PDLIM3: variants seen among roughly 807,000 people sequenced by gnomAD.
PDLIM3 encodes PDZ and LIM domain protein 3.
In PDLIM3, 36 loss-of-function variants were observed where a neutral mutation model predicts 37.3. That is an observed-to-expected ratio of 0.97 (90% confidence interval 0.74 to 1.28). The LOEUF (loss-of-function observed/expected upper bound fraction) is 1.28. Ranked by LOEUF, PDLIM3 falls within the 50% of genes most tolerant of loss-of-function variation. PDLIM3 has a pLI of 0.00. For missense variants in PDLIM3, 454 were observed against 485.0 expected (o/e 0.94, Z 0.60); for synonymous variants, 174 against 182.4 (o/e 0.95, Z 0.37).
chr4:185,523,468 T>C, intron 2 of PDLIM3, 22 bp from the exon 3 acceptor site: 4 of 1,445,978 alleles, frequency 2.8e-6, no homozygotes, highest in Non-Finnish European at 3.9e-6. Flanking sequence ...ATAAAATTTG[T>C]AAACTTCAAA....
rs772601097 is a variant in PDLIM3 at position 185,508,563 on chromosome 4, CTG to C, written c.399-3_399-2del. 1 of 1,613,790 alleles carries C rather than the reference CTG, an allele frequency of 6.2e-7. No individual in the cohort carries two copies. The highest frequency in any genetic ancestry group is 1.7e-5 in the Admixed American group (1 of 60,010). On this transcript the variant is annotated splice_acceptor_variant and splice_polypyrimidine_tract_variant and intron_variant, in intron 4 of 7. Transcript: ENST00000284767. LOFTEE classifies it high-confidence loss of function. ...AATCCCGGAGGGAGTGCTGCATCCA[CTG>C]TGTTAATGGATACACGTTACACAGA...
chr4:185,532,547 G>A (rs566277589), intron 1 of PDLIM3, among the ~76,000 whole-genome samples: 2 of 152,320 alleles, frequency 1.3e-5, no homozygotes, highest in East Asian at 1.9e-4. Context: ...GCAAAGACAC[G>A]TCAGGGAAAT....
At chr4:185,519,242 CAG>C in intron 3 of PDLIM3, among the ~76,000 whole-genome samples, 1 of 152,264 alleles carries the variant, frequency 6.6e-6, no homozygotes, top group African/African-American at 2.4e-5. Flanking sequence ...AGTCTAAACT[CAG>C]AGAAACAAAA....
Position 185,514,837 on chromosome 4 carries a change from T to C in PDLIM3, c.331-500A>G, listed in dbSNP as rs1455593210. ...GTCTTTTGTCATCAATGTTTGCAGC[T>C]GCAACAAAAGGCTGGGCCCTTCTGT... On this transcript the variant is annotated intron_variant, in intron 3 of 7. Transcript: ENST00000284767. This position sits in a 1 kb window ranked among gnomAD's most constrained non-coding sequence, Gnocchi z 4.0. The C allele has an allele frequency of 1.9e-6, 3 of 1,551,608 alleles. No homozygotes were observed. The highest frequency in any genetic ancestry group is 2.6e-6 in the Non-Finnish European group (3 of 1,147,010).
At chr4:185,532,413 G>A (rs1021372923) in intron 1 of PDLIM3, among the ~76,000 whole-genome samples, 1 of 152,138 alleles carries the variant, frequency 6.6e-6, no homozygotes. Flanking sequence ...TATACAGGCC[G>A]AAAGCTACAG....
chr4:185,502,896 T>C (rs925258548), intron 7 of PDLIM3, among the ~76,000 whole-genome samples: 2 of 152,192 alleles, frequency 1.3e-5, no homozygotes, highest in Non-Finnish European at 2.9e-5. Context: ...GCTTTCCGTC[T>C]GCGTGGTCCA....
At chr4:185,518,311 A>G (rs956802818) in intron 3 of PDLIM3, among the ~76,000 whole-genome samples, 1 of 152,238 alleles carries the variant, frequency 6.6e-6, no homozygotes, top group Non-Finnish European at 1.5e-5. Flanking sequence ...ACATGACAGC[A>G]GTCAAAGGCT....
intron 2 of PDLIM3, among the ~76,000 whole-genome samples, chr4:185,523,950 T>C (rs200466303): frequency 1.3e-5 from 2 of 151,192 alleles, no homozygotes; most frequent in East Asian, 1.9e-4. Flanking sequence ...CTTTTGGGTA[T>C]GGCAGACTAG....
rs769851440 is a variant in PDLIM3, at chr4:185,508,522, G to C, written c.439C>G (p.Arg147Gly). 1 of 1,613,930 alleles carries C rather than the reference G, an allele frequency of 6.2e-7. No individual in the cohort carries two copies. The highest frequency in any genetic ancestry group is 8.5e-7 in the Non-Finnish European group (1 of 1,179,944). The change falls in exon 5 of 8, where the codon CGC becomes GGC. Residue 147 changes from arginine to glycine, a missense_variant. By Grantham distance (125) the Arg-to-Gly change is moderately radical. Transcript: ENST00000284767. ...TPSGIDCGSG[R>G]STPSSVSTVS... Reference sequence around the variant, plus strand: ...GTACTGACAGAAGAAGGGGTGCTGCGTCCACTGCCACAGTCAATCCCGGAG... The same window carrying C: ...GTACTGACAGAAGAAGGGGTGCTGCCTCCACTGCCACAGTCAATCCCGGAG...
chr4:185,526,530 A>T (rs1344985754), intron 1 of PDLIM3, among the ~76,000 whole-genome samples: 5 of 152,222 alleles, frequency 3.3e-5, no homozygotes, highest in African/African-American at 4.8e-5. Flanking sequence ...AATATTTAAA[A>T]ATAGGAAGTT....
intron 3 of PDLIM3, among the ~76,000 whole-genome samples, chr4:185,519,329 A>C (rs888791864): frequency 6.6e-6 from 1 of 152,246 alleles, no homozygotes; most frequent in South Asian, 2.1e-4. Flanking sequence ...TCTGTTGCCC[A>C]GGCTGGAGTG....
intron 1 of PDLIM3, among the ~76,000 whole-genome samples, chr4:185,531,409 T>C (rs2095744219): frequency 6.6e-6 from 1 of 152,260 alleles, no homozygotes; most frequent in Admixed American, 6.5e-5. Flanking sequence ...TCACAACCAG[T>C]TGCTAAAAAT....
Position 185,514,221 on chromosome 4 carries a change from T to G in PDLIM3, c.398+49A>C. ...ACTTTTCTTGATGATTAGTAAGAACTGATTTAAGAAGCATGCACTGCAAAC... is the reference window on the plus strand; with the variant it reads ...ACTTTTCTTGATGATTAGTAAGAACGGATTTAAGAAGCATGCACTGCAAAC... On this transcript the variant is annotated intron_variant, in intron 4 of 7. Coordinates refer to ENST00000284767, the MANE Select transcript of PDLIM3 (RefSeq NM_014476.6). The surrounding 1 kb of genome is among the most constrained non-coding windows in gnomAD (Gnocchi z 4.0). The G allele has an allele frequency of 6.2e-7, 1 of 1,614,154 alleles. No homozygotes were observed. Among genetic ancestry groups the G allele is most frequent in the Non-Finnish European group, 8.5e-7 (1 of 1,179,986 alleles).
chr4:185,502,630 A>T, intron 7 of PDLIM3, 147 bp from the exon 8 acceptor site: 1 of 745,276 alleles, frequency 1.3e-6, no homozygotes, highest in Admixed American at 2.0e-5. Context: ...CACAGCCGTG[A>T]AACTGTATGT....
intron 5 of PDLIM3, 146 bp from the exon 6 acceptor site, chr4:185,506,798 TAGTTA>T: frequency 1.4e-6 from 1 of 694,404 alleles, no homozygotes; most frequent in Non-Finnish European, 2.4e-6. Context: ...ATCTCTAGTA[TAGTTA>T]AAAGCATAAT....
intron 5 of PDLIM3, 28 bp from the exon 6 acceptor site, chr4:185,506,680 C>G (rs766963265): frequency 1.3e-6 from 2 of 1,599,926 alleles, no homozygotes; most frequent in Non-Finnish European, 1.7e-6. Flanking sequence ...CGGGGAGCAT[C>G]GTCAGGTGCT....
intron 1 of PDLIM3, among the ~76,000 whole-genome samples, chr4:185,526,166 A>G (rs935613665): frequency 1.1e-4 from 17 of 152,236 alleles, no homozygotes; most frequent in Non-Finnish European, 7.3e-5. Flanking sequence ...GCTGTTATGA[A>G]GAATTCAGCT....
In PDLIM3 at chr4:185,506,057, C is replaced by G. The variant is rs151093531; in HGVS notation, c.793+465G>C. Among the ~76,000 whole-genome samples, 716 of 152,262 alleles carry G rather than the reference C, an allele frequency of 4.7e-3. 4 individuals carry two copies. Among genetic ancestry groups the G allele is most frequent in the African/African-American group, 0.016 (652 of 41,540 alleles). ...TCAGCGTCTCATTTGCTAAGTAGGG[C>G]AAATAATAGGCTCACCTCCCCAAGT... On this transcript the variant is annotated intron_variant, in intron 6 of 7. Transcript: ENST00000284767.
At chr4:185,530,989 T>TACAC (rs374546592) in intron 1 of PDLIM3, among the ~76,000 whole-genome samples, 1 of 21,700 alleles carries the variant, frequency 4.6e-5, no homozygotes, top group Non-Finnish European at 8.6e-5. Context: ...CACACACACA[T>TACAC]ACACACACAC....
Sources: allele counts gnomAD v4.1 joint callset (sites outside exome capture counted in the v4.1 genomes callset), GRCh38; gene constraint gnomAD v4.1.1; non-coding constraint Gnocchi (gnomAD v3.1); transcripts MANE v1.5; gene names NCBI Gene and HGNC (gene_info 2026-07-23, HGNC 2026-07-21).